The following ARNT2 variants were observed in gnomAD, a reference collection of about 807,000 sequenced individuals.
ARNT2 encodes the protein ARNT protein 2.
Under a neutral mutation model 91.7 loss-of-function variants are expected in ARNT2, and 36 were observed. The ratio of observed to expected loss-of-function variants is 0.39; its 90% CI spans 0.30 to 0.52. The LOEUF (loss-of-function observed/expected upper bound fraction) is 0.52. ARNT2 is among the 20% of genes least tolerant of loss of function. The pLI is 0.72. For synonymous variants in ARNT2, 365 were observed against 347.1 expected (o/e 1.05, Z -0.57); for missense variants, 775 against 939.3 (o/e 0.83, Z 2.29).
rs556450787 is a variant in ARNT2, at chr15:80,510,147, A to T, written c.725+1889A>T. Among the ~76,000 whole-genome samples the T allele has an allele frequency of 1.4e-3, 208 of 152,292 alleles. 2 individuals carry two copies. Among genetic ancestry groups the T allele is most frequent in the Non-Finnish European group, 2.1e-3 (141 of 68,028 alleles). ...CTCAGATTTTGAGTGTATTTCACAG[A>T]CGGAGCCAGCCTTCAGGCAGGGTGT... On this transcript the variant is annotated intron_variant, in intron 6 of 18. Coordinates refer to ENST00000303329, the MANE Select transcript of ARNT2 (RefSeq NM_014862.4).
intron 10 of ARNT2, 145 bp downstream of exon 10, chr15:80,552,919 A>G (rs773616124): frequency 8.4e-5 from 86 of 1,018,704 alleles, no homozygotes; most frequent in Non-Finnish European, 1.1e-4. Flanking sequence ...AGAACGATAG[A>G]TATCCTTCCA....
At position 80,581,772 on chromosome 15, in the gene ARNT2, T is replaced by C. The variant is rs576077840; in HGVS notation, c.1918+368T>C. ...AGAGAATAGCTATAGAGACAATCAA[T>C]TGCATAAATAACACTGCAAAGTTTT... On this transcript the variant is annotated intron_variant, in intron 17 of 18. Coordinates refer to ENST00000303329, the MANE Select transcript of ARNT2 (RefSeq NM_014862.4). Among the ~76,000 whole-genome samples, 3 of 152,344 alleles carry C rather than the reference T, an allele frequency of 2.0e-5. No homozygotes were observed. The South Asian group carries it at 6.2e-4, about 32-fold the overall frequency.
chr15:80,445,360 G>C (rs1306966246), intron 1 of ARNT2, among the ~76,000 whole-genome samples: 1 of 149,828 alleles, frequency 6.7e-6, no homozygotes, highest in Non-Finnish European at 1.5e-5. Flanking sequence ...TGATGTGAGT[G>C]GTGTATGTGG....
intron 1 of ARNT2, among the ~76,000 whole-genome samples, chr15:80,434,800 T>C (rs987702480): frequency 6.6e-6 from 1 of 151,818 alleles, no homozygotes; most frequent in Non-Finnish European, 1.5e-5. Context: ...AGCAGGATAA[T>C]AGATTGAAAT....
chr15:80,506,479 C>T (rs1043762519), intron 5 of ARNT2, among the ~76,000 whole-genome samples: 3 of 152,146 alleles, frequency 2.0e-5, no homozygotes, highest in African/African-American at 7.2e-5. Context: ...CATCAGAATC[C>T]TTGCTGAGGA....
At position 80,470,275 on chromosome 15, in the gene ARNT2, G is replaced by A. The variant is rs755964901; in HGVS notation, c.252G>A (p.Thr84=). Residue 84 remains threonine (T), a synonymous_variant, in exon 4 of 19, where the codon ACG becomes ACA. Transcript: ENST00000303329. The part of the protein sequence containing the change: ...RRRNKMTQYI[T]ELSDMVPTCS... ...GGAACAAGATGACTCAGTACATCACGGAGCTCTCCGACATGGTCCCCACAT... is the reference window on the plus strand; with the variant it reads ...GGAACAAGATGACTCAGTACATCACAGAGCTCTCCGACATGGTCCCCACAT... 11 of 1,614,012 alleles carry A rather than the reference G, an allele frequency of 6.8e-6. No individual in the cohort carries two copies. The African/African-American group carries it at 8.0e-5, about 12-fold the overall frequency.
intron 1 of ARNT2, among the ~76,000 whole-genome samples, chr15:80,407,117 A>C (rs1261590960): frequency 6.6e-6 from 1 of 152,174 alleles, no homozygotes; most frequent in Non-Finnish European, 1.5e-5. Flanking sequence ...TGCTTTGCAA[A>C]GAATAAGAGC....
At chr15:80,501,184 A>G (rs1385071067) in intron 5 of ARNT2, among the ~76,000 whole-genome samples, 2 of 152,210 alleles carry the variant, frequency 1.3e-5, no homozygotes, top group Non-Finnish European at 1.5e-5. Flanking sequence ...TTGTATGTAC[A>G]TGTTCACCCC....
At chr15:80,578,349 G>T (rs1898722152) in intron 15 of ARNT2, among the ~76,000 whole-genome samples, 1 of 152,090 alleles carries the variant, frequency 6.6e-6, no homozygotes, top group Non-Finnish European at 1.5e-5. Context: ...TGTGCTGAGT[G>T]AAGCCTTGGA....
At chr15:80,441,291 C>G in intron 1 of ARNT2, 1 of 985,094 alleles carries the variant, frequency 1.0e-6, no homozygotes, top group Non-Finnish European at 1.2e-6. Flanking sequence ...CCAGAGGTTT[C>G]TGACATTTCT....
At chr15:80,477,567 G>A (rs1248004464) in intron 5 of ARNT2, among the ~76,000 whole-genome samples, 1 of 152,152 alleles carries the variant, frequency 6.6e-6, no homozygotes, top group African/African-American at 2.4e-5. Flanking sequence ...ATTTGGAGAT[G>A]GCCACCTTCT....
At chr15:80,567,207 G>T (rs1400588104) in intron 12 of ARNT2, among the ~76,000 whole-genome samples, 1 of 152,228 alleles carries the variant, frequency 6.6e-6, no homozygotes, top group Non-Finnish European at 1.5e-5. Flanking sequence ...CAGGGTAACA[G>T]GATGTGCTCA....
intron 17 of ARNT2, 130 bp downstream of exon 17, chr15:80,581,534 C>G: frequency 8.3e-7 from 1 of 1,208,404 alleles, no homozygotes; most frequent in African/African-American, 1.5e-5. Flanking sequence ...CCAAGCACCT[C>G]CTCTCTCTCT....
At chr15:80,506,456 G>A (rs150390591) in intron 5 of ARNT2, among the ~76,000 whole-genome samples, 32 of 152,322 alleles carry the variant, frequency 2.1e-4, no homozygotes, top group East Asian at 1.9e-4. Flanking sequence ...GGGGGATTCC[G>A]GTTAGACTCA....
intron 15 of ARNT2, among the ~76,000 whole-genome samples, chr15:80,577,846 C>T (rs963710779): frequency 2.6e-5 from 4 of 152,218 alleles, no homozygotes; most frequent in East Asian, 1.9e-4. Context: ...GCTCTGGCCA[C>T]GCCTGCAGCT....
chr15:80,526,317 T>C (rs1897640120), intron 8 of ARNT2, among the ~76,000 whole-genome samples: 1 of 152,148 alleles, frequency 6.6e-6, no homozygotes, highest in Non-Finnish European at 1.5e-5. Context: ...ATGGGCTGCG[T>C]TTTCCATTTT....
intron 1 of ARNT2, among the ~76,000 whole-genome samples, chr15:80,426,724 A>G (rs1895937157): frequency 6.6e-6 from 1 of 152,170 alleles, no homozygotes; most frequent in Non-Finnish European, 1.5e-5. Context: ...GGTGCTGTGG[A>G]CCAGTTGTGT....
intron 5 of ARNT2, among the ~76,000 whole-genome samples, chr15:80,498,251 G>A (rs778192484): frequency 1.3e-5 from 2 of 152,260 alleles, no homozygotes; most frequent in African/African-American, 4.8e-5. Flanking sequence ...TTGGATCATT[G>A]CCCCCTACCC....
intron 7 of ARNT2, 106 bp downstream of exon 7, chr15:80,514,082 C>A: frequency 4.3e-6 from 5 of 1,162,314 alleles, no homozygotes; most frequent in Non-Finnish European, 6.4e-6. Flanking sequence ...TGGTGAGGAC[C>A]AAGAGAACCA....
Sources: allele counts gnomAD v4.1 joint callset (sites outside exome capture counted in the v4.1 genomes callset), GRCh38; gene constraint gnomAD v4.1.1; transcripts MANE v1.5; gene names NCBI Gene and HGNC (gene_info 2026-07-23, HGNC 2026-07-21).